The following CHIC1 variants were observed in gnomAD, a reference collection of about 807,000 sequenced individuals.
The protein encoded by CHIC1 is cysteine-rich hydrophobic domain-containing protein 1.
CHIC1 carries 7 observed loss-of-function variants against 18.5 expected under a neutral mutation model. The ratio of observed to expected loss-of-function variants is 0.38; its 90% CI spans 0.22 to 0.71. The LOEUF is 0.71. Ranked by LOEUF, CHIC1 falls within the 30% of genes least tolerant of loss-of-function variation. CHIC1 has a pLI of 0.49. For synonymous variants in CHIC1, 77 were observed against 73.5 expected (o/e 1.05, Z -0.25); for missense variants, 159 against 176.9 (o/e 0.90, Z 0.57).
At chrX:73,584,598 A>C (rs1214905035) in intron 3 of CHIC1, 26 bp downstream of exon 3, 2 of 1,059,205 alleles carry the variant, frequency 1.9e-6, no homozygotes, top group Non-Finnish European at 2.5e-6. Flanking sequence ...ATTGTATAAT[A>C]ATAATAATAA....
rs1436580429 is a variant in CHIC1, at chrX:73,622,313, ATCTG to A, written c.507+37746_507+37749del. 6.3e-5 allele frequency among the ~76,000 whole-genome samples: 7 copies of A among 111,451 alleles called. No homozygotes were observed. In the Admixed American group the frequency reaches 6.6e-4, roughly 11 times the overall value. ...TACCTCTTGTAGAATTCGGCTGTGA[ATCTG>A]TCTGGCCCTGGGCTTTTTTGTTTGT... On this transcript the variant is annotated intron_variant, in intron 3 of 5. Transcript: ENST00000373502.
At chrX:73,644,516 G>A (rs1223267814) in intron 3 of CHIC1, among the ~76,000 whole-genome samples, 2 of 112,597 alleles carry the variant, frequency 1.8e-5, no homozygotes, top group African/African-American at 6.5e-5. Flanking sequence ...GCCTCCTTGA[G>A]CTGTGGTGGG....
chrX:73,602,188 A>G (rs899938344), intron 3 of CHIC1, among the ~76,000 whole-genome samples: 4 of 109,194 alleles, frequency 3.7e-5, no homozygotes, highest in Non-Finnish European at 7.5e-5. Context: ...ATCAATAGAA[A>G]AAGAGGGAAT....
intron 3 of CHIC1, among the ~76,000 whole-genome samples, chrX:73,655,317 T>TAC (rs993792421): frequency 9.6e-6 from 1 of 103,729 alleles, no homozygotes; most frequent in African/African-American, 3.5e-5. Context: ...TGTATATATA[T>TAC]ACACACACAC....
Position 73,668,885 on chromosome X carries a change from G to A in CHIC1, c.508-10441G>A, listed in dbSNP as rs940746236. Among the ~76,000 whole-genome samples, 7 of 112,620 alleles carry A rather than the reference G, an allele frequency of 6.2e-5. No individual in the cohort carries two copies. In the East Asian group the frequency reaches 1.1e-3, roughly 18 times the overall value. On this transcript the variant is annotated intron_variant, in intron 3 of 5. Transcript: ENST00000373502. ...TTGGCAGAGCAGCTGTGCTGTGTTG[G>A]TGATCCCTTCAGCCCCCGATCAGTT...
chrX:73,605,829 C>G (rs2147571293), intron 3 of CHIC1, among the ~76,000 whole-genome samples: 1 of 108,842 alleles, frequency 9.2e-6, no homozygotes, highest in African/African-American at 3.6e-5. Context: ...CCCCCACTCT[C>G]TTCTGGCTTG....
At chrX:73,655,655 A>G (rs1326483158) in intron 3 of CHIC1, among the ~76,000 whole-genome samples, 11,317 of 81,290 alleles carry the variant, frequency 0.14, 877 homozygotes, top group African/African-American at 0.25. Context: ...GTGTGTATAT[A>G]TATATATATA....
In CHIC1 at chrX:73,563,305, C is replaced by T. The variant is rs1284153581; in HGVS notation, c.21C>T (p.Asn7=). 2.7e-5 allele frequency: 31 copies of T among 1,132,112 alleles called. No homozygotes were observed. Among genetic ancestry groups the T allele is most frequent in the Non-Finnish European group, 3.3e-5 (28 of 854,060 alleles). The allele number at this position is 1,132,112 out of a possible 1,213,427, so 93.3% of individuals were successfully genotyped here. MSILLP[N]MAEFDTISEL... is the part of the protein sequence containing the mutation. ...ACGTGATGAGCATCCTGCTGCCCAA[C>T]ATGGCGGAGTTCGACACCATCTCGG... The change falls in exon 1 of 6, where the codon AAC becomes AAT. Residue 7 remains asparagine, a synonymous_variant. Transcript: ENST00000373502.
intron 3 of CHIC1, among the ~76,000 whole-genome samples, chrX:73,643,240 G>C (rs1411092483): frequency 4.5e-4 from 50 of 111,226 alleles, no homozygotes; most frequent in Non-Finnish European, 7.2e-4. Flanking sequence ...GAGATCTGCT[G>C]TTAGTCTGAT....
At chrX:73,658,920 T>G (rs764047707) in intron 3 of CHIC1, among the ~76,000 whole-genome samples, 39 of 111,861 alleles carry the variant, frequency 3.5e-4, no homozygotes, top group Non-Finnish European at 6.4e-4. Context: ...ATGAAAAAAT[T>G]TATGCAGACA....
intron 3 of CHIC1, among the ~76,000 whole-genome samples, chrX:73,588,051 C>CT (rs2057561782): frequency 9.0e-6 from 1 of 111,602 alleles, no homozygotes; most frequent in African/African-American, 3.2e-5. Flanking sequence ...TGGTATTAAG[C>CT]TAACTTTGAT....
chrX:73,643,639 C>T (rs2057870994), intron 3 of CHIC1, among the ~76,000 whole-genome samples: 1 of 112,026 alleles, frequency 8.9e-6, no homozygotes, highest in African/African-American at 3.2e-5. Context: ...CACTGATACC[C>T]TTTCTTCCAG....
In CHIC1 at chrX:73,640,775, C is replaced by G. The variant is rs2057852028; in HGVS notation, c.508-38551C>G. ...TTAGTCTAACAAGCAGTCTACCTTA[C>G]TAATTTTTTCAAAGAAGACACTCCT... On this transcript the variant is annotated intron_variant, in intron 3 of 5. Transcript: ENST00000373502. Among the ~76,000 whole-genome samples the G allele has an allele frequency of 2.7e-5, 3 of 111,031 alleles. No individual in the cohort carries two copies. In the South Asian group the frequency reaches 1.1e-3, roughly 42 times the overall value.
At chrX:73,587,160 G>A (rs1175835796) in intron 3 of CHIC1, among the ~76,000 whole-genome samples, 1 of 111,983 alleles carries the variant, frequency 8.9e-6, no homozygotes, top group African/African-American at 3.2e-5. Flanking sequence ...TAATGAAGAT[G>A]CTATATTAGC....
intron 3 of CHIC1, among the ~76,000 whole-genome samples, chrX:73,615,059 T>G (rs2057726210): frequency 9.0e-6 from 1 of 111,465 alleles, no homozygotes; most frequent in African/African-American, 3.3e-5. Flanking sequence ...AATGTTTTTA[T>G]GGTGTTGGTT....
intron 3 of CHIC1, among the ~76,000 whole-genome samples, chrX:73,648,238 TGAA>T (rs2057898784): frequency 9.2e-6 from 1 of 109,054 alleles, no homozygotes; most frequent in South Asian, 3.9e-4. Flanking sequence ...AACAAACTCA[TGAA>T]GAAGAGAAAG....
intron 3 of CHIC1, among the ~76,000 whole-genome samples, chrX:73,591,198 C>T (rs1471370404): frequency 9.0e-6 from 1 of 111,007 alleles, no homozygotes; most frequent in African/African-American, 3.3e-5. Flanking sequence ...CGATATTGAG[C>T]AGCTTTTTAC....
In CHIC1 at chrX:73,655,500, ATATATACATATATACACAATAT is replaced by A. The variant is rs2057941622; in HGVS notation, c.508-23824_508-23803del. ...CATATATACACAATATTGTGTATATATATATACATATATACACAATATTGTGTATATATATATACATATATAT... is the reference window on the plus strand; with the variant it reads ...CATATATACACAATATTGTGTATATATGTGTATATATATATACATATATAT... On this transcript the variant is annotated intron_variant, in intron 3 of 5. Transcript: ENST00000373502. Among the ~76,000 whole-genome samples the A allele has an allele frequency of 1.7e-4, 14 of 83,890 alleles. 1 individual carries two copies. The highest frequency in any genetic ancestry group is 1.2e-3 in the South Asian group (2 of 1,624). The allele number at this position is 83,890 out of a possible 115,157, so 72.8% of individuals were successfully genotyped here.
intron 3 of CHIC1, among the ~76,000 whole-genome samples, chrX:73,645,906 T>G (rs902044252): frequency 2.7e-5 from 3 of 111,803 alleles, no homozygotes; most frequent in Non-Finnish European, 5.7e-5. Context: ...TTTCATGCAG[T>G]CCTGTTCATT....
Sources: allele counts gnomAD v4.1 joint callset (sites outside exome capture counted in the v4.1 genomes callset), GRCh38; gene constraint gnomAD v4.1.1; transcripts MANE v1.5; gene names NCBI Gene and HGNC (gene_info 2026-07-23, HGNC 2026-07-21).